The following GLB1L2 variants were observed in gnomAD, a reference collection of about 807,000 sequenced individuals.
GLB1L2 encodes the protein beta-galactosidase-1-like protein 2.
A neutral mutation model predicts 84.1 loss-of-function variants in GLB1L2; 68 were observed. The observed-to-expected ratio is 0.81, with a 90% CI of 0.67 to 0.99. The LOEUF (loss-of-function observed/expected upper bound fraction) is 0.99, where lower values mean the gene tolerates loss of function less well. Ranked by LOEUF, GLB1L2 falls within the 50% of genes least tolerant of loss-of-function variation. The pLI is 0.00. For synonymous variants in GLB1L2, 290 were observed against 318.0 expected, an observed-to-expected ratio of 0.91 and a Z score of 0.94; for missense variants, 762 against 805.6, an observed-to-expected ratio of 0.95 and a Z score of 0.66.
At chr11:134,350,655 C>T (rs907737033) in intron 5 of GLB1L2, among the ~76,000 whole-genome samples, 14 of 152,192 alleles carry the variant, frequency 9.2e-5, no homozygotes, top group African/African-American at 2.2e-4. Flanking sequence ...GTTAAAATTT[C>T]GTGTTCCAGC....
Position 134,363,500 on chromosome 11 carries a change from G to C in GLB1L2, c.734-828G>C, listed in dbSNP as rs545863526. 1.1e-3 allele frequency among the ~76,000 whole-genome samples: 174 copies of C among 152,214 alleles called. 1 individual carries two copies. Among genetic ancestry groups the C allele is most frequent in the Non-Finnish European group, 1.7e-3 (119 of 68,046 alleles). ...ATAAGGCTGTGCCACTGGGGTGGGC[G>C]TGGGCATGCCCGGGTGTCAGCCAAA... On this transcript the variant is annotated intron_variant, in intron 7 of 18. Transcript: ENST00000535456.
Position 134,367,269 on chromosome 11 carries a change from A to C in GLB1L2, c.817A>C (p.Lys273Gln), listed in dbSNP as rs891204470. 2.5e-6 allele frequency: 4 copies of C among 1,614,002 alleles called. No homozygotes were observed. In the African/African-American group the frequency reaches 5.3e-5, roughly 22 times the overall value. ...FLFNVQGTQP[K>Q]MVMEYWTGWF... Reference sequence around the variant, plus strand: ...TTGTGGTGTCCAGGGGACTCAGCCCAAGATGGTGATGGAGTACTGGACGGG... The same window carrying C: ...TTGTGGTGTCCAGGGGACTCAGCCCCAGATGGTGATGGAGTACTGGACGGG... The change falls in exon 9 of 19, where the codon AAG (lysine) becomes CAG (glutamine). Residue 273 changes from lysine (K) to glutamine (Q), a missense_variant. Transcript: ENST00000535456.
At position 134,375,257 on chromosome 11, in the gene GLB1L2, G is replaced by A. The variant is rs1944010831; in HGVS notation, c.*199G>A. On this transcript the variant is annotated 3_prime_UTR_variant, in exon 19 of 19. Transcript: ENST00000535456. ...GAAAGGTGGGATGGCTCTGGGCCTG[G>A]CTTTGTTGATGATGGCTTTCCTACA... 7.2e-6 allele frequency: 4 copies of A among 552,680 alleles called. No homozygotes were observed. Among genetic ancestry groups the A allele is most frequent in the Non-Finnish European group, 1.3e-5 (4 of 311,670 alleles). The allele number at this position is 552,680 out of a possible 1,614,324, so 34.2% of individuals were successfully genotyped here.
intron 6 of GLB1L2, among the ~76,000 whole-genome samples, chr11:134,357,285 C>T (rs1434699503): frequency 2.6e-5 from 4 of 152,238 alleles, no homozygotes; most frequent in African/African-American, 9.6e-5. Context: ...AGTCCCTCCA[C>T]GTGGGAGACC....
intron 1 of GLB1L2, among the ~76,000 whole-genome samples, chr11:134,337,272 A>G (rs1943401243): frequency 6.6e-6 from 1 of 152,236 alleles, no homozygotes; most frequent in Non-Finnish European, 1.5e-5. Flanking sequence ...TGCAAGATGC[A>G]TATACTTGCC....
chr11:134,334,117 A>T lies in GLB1L2; in HGVS notation c.86+1970A>T, dbSNP rs1943345030. ...TCTTTCCCTCTTCCTGTCTTGCCCC[A>T]GCTCTGACTGGGTCATTAACTGAGT... On this transcript the variant is annotated intron_variant, in intron 1 of 18. Transcript: ENST00000535456. This position sits in a 1 kb window ranked among gnomAD's most constrained non-coding sequence, Gnocchi z 4.1. Among the ~76,000 whole-genome samples, 1 of 152,118 alleles carries T rather than the reference A, an allele frequency of 6.6e-6. No individual in the cohort carries two copies. Among genetic ancestry groups the T allele is most frequent in the Non-Finnish European group, 1.5e-5 (1 of 68,020 alleles).
At chr11:134,344,356 C>T in intron 2 of GLB1L2, 31 bp from the exon 3 acceptor site, 1 of 1,612,664 alleles carries the variant, frequency 6.2e-7, no homozygotes, top group Non-Finnish European at 8.5e-7. Context: ...GAATGACATG[C>T]TCTAGCCTAT....
At chr11:134,340,252 T>C (rs1943442409) in intron 1 of GLB1L2, among the ~76,000 whole-genome samples, 1 of 152,046 alleles carries the variant, frequency 6.6e-6, no homozygotes, top group African/African-American at 2.4e-5. Context: ...TAAGTTGTAT[T>C]GTCACTGTCT....
chr11:134,357,221 G>T (rs1014833716), intron 6 of GLB1L2, among the ~76,000 whole-genome samples: 3 of 152,226 alleles, frequency 2.0e-5, no homozygotes, highest in Admixed American at 6.5e-5. Context: ...TGATGCCTGG[G>T]CAGCATCCCT....
chr11:134,346,496 C>T (rs117195816), intron 4 of GLB1L2: 1,884 of 152,414 alleles, frequency 0.012, 63 homozygotes, highest in East Asian at 0.074. Context: ...AGGGGGCGTC[C>T]GGGCGTGAGT....
In GLB1L2 at chr11:134,345,139, G is replaced by T; in HGVS notation, c.449+10G>T. 6 of 1,603,474 alleles carry T rather than the reference G, an allele frequency of 3.7e-6. No homozygotes were observed. The highest frequency in any genetic ancestry group is 4.3e-6 in the Non-Finnish European group (5 of 1,173,648). ...TCGGGGGCTTGCCCAGGTAAGCGGG[G>T]TTGTGAAGGGTCCTGTGTGCTGTGG... On this transcript the variant is annotated intron_variant, in intron 4 of 18. Transcript: ENST00000535456.
At chr11:134,373,471 A>T (rs540240125) in intron 15 of GLB1L2, among the ~76,000 whole-genome samples, 1 of 152,130 alleles carries the variant, frequency 6.6e-6, no homozygotes. Context: ...CCTCAGCTCT[A>T]TATCCTTCCC....
At chr11:134,364,267 C>T (rs764534807) in intron 7 of GLB1L2, 61 bp from the exon 8 acceptor site, 86 of 1,386,156 alleles carry the variant, frequency 6.2e-5, no homozygotes, top group Admixed American at 5.5e-4. Flanking sequence ...CTGGGGTCAC[C>T]TAGAAGGTCC....
chr11:134,337,904 A>G lies in GLB1L2; in HGVS notation c.87-4850A>G, dbSNP rs77758455. On this transcript the variant is annotated intron_variant, in intron 1 of 18. Coordinates refer to ENST00000535456, the MANE Select transcript of GLB1L2 (RefSeq NM_001370461.1). ...AGGGCCACAGTGTACCTAAAAATTG[A>G]ATTTGTAAGCTATCGTCTCAGATGA... Among the ~76,000 whole-genome samples the G allele has an allele frequency of 8.1e-3, 1,240 of 152,306 alleles. 19 individuals carry two copies. Among genetic ancestry groups the G allele is most frequent in the African/African-American group, 0.029 (1,194 of 41,546 alleles).
chr11:134,352,965 G>A (rs73604966), intron 5 of GLB1L2, among the ~76,000 whole-genome samples: 7 of 151,950 alleles, frequency 4.6e-5, no homozygotes, highest in East Asian at 1.9e-4. Context: ...ATTTTCTAAT[G>A]TCTCTTGTGA....
At chr11:134,368,151 G>C (rs935547789) in intron 9 of GLB1L2, among the ~76,000 whole-genome samples, 5 of 152,172 alleles carry the variant, frequency 3.3e-5, no homozygotes, top group Non-Finnish European at 5.9e-5. Flanking sequence ...TGTTTAGTCT[G>C]CATTTCTTTG....
At chr11:134,373,845 G>C in intron 16 of GLB1L2, 37 bp downstream of exon 16, 1 of 1,418,052 alleles carries the variant, frequency 7.1e-7, no homozygotes. Flanking sequence ...TGCACTCACA[G>C]GTATAGTGCT....
intron 7 of GLB1L2, 68 bp downstream of exon 7, chr11:134,359,209 G>A: frequency 9.2e-7 from 1 of 1,083,200 alleles, no homozygotes; most frequent in South Asian, 1.6e-5. Flanking sequence ...CGCTCCCGCT[G>A]TGGGACTGCG....
At position 134,370,542 on chromosome 11, in the gene GLB1L2, T is replaced by TG. The variant is rs751690119; in HGVS notation, c.1215+149dup. On this transcript the variant is annotated intron_variant, in intron 12 of 18. Transcript: ENST00000535456. The surrounding 1 kb of genome is among the most constrained non-coding windows in gnomAD (Gnocchi z 4.7). ...CTGGAGCCCCTCCAGACAGGGAGTG[T>TG]GGGGGGAGGCAGGCCAGTGCCTGGT... 32 of 662,354 alleles carry TG rather than the reference T, an allele frequency of 4.8e-5. No individual in the cohort carries two copies. The East Asian group carries it at 6.2e-4, about 13-fold the overall frequency. The allele number at this position is 662,354 out of a possible 1,614,324, so 41.0% of individuals were successfully genotyped here.
Sources: gnomAD v4.1 joint callset for allele counts (sites outside exome capture counted in the v4.1 genomes callset) on GRCh38, gnomAD v4.1.1 for gene constraint, Gnocchi (gnomAD v3.1) non-coding constraint, MANE v1.5 for transcripts, NCBI Gene and HGNC (gene_info 2026-07-23, HGNC 2026-07-21) for gene names.